GABRA3: variants seen among roughly 807,000 people sequenced by gnomAD.
The protein encoded by GABRA3 is gamma-aminobutyric acid type A receptor subunit alpha3, also known as gamma-aminobutyric acid receptor subunit alpha-3.
A neutral mutation model predicts 30.1 loss-of-function variants in GABRA3; 10 were observed. The ratio of observed to expected loss-of-function variants is 0.33; its 90% CI spans 0.20 to 0.56. The LOEUF is 0.56. GABRA3 is among the 20% of genes least tolerant of loss of function. GABRA3 has a pLI of 0.89. For missense variants in GABRA3, 233 were observed against 392.0 expected (o/e 0.59, Z 3.42); for synonymous variants, 151 against 146.8 (o/e 1.03, Z -0.21).
Position 152,383,836 on chromosome X carries a change from G to C in GABRA3, c.-26-19240C>G, listed in dbSNP as rs1006848288. 1.8e-5 allele frequency among the ~76,000 whole-genome samples: 2 copies of C among 110,019 alleles called. 1 individual carries two copies. The highest frequency in any genetic ancestry group is 2.0e-4 in the Admixed American group (2 of 10,207). Reference sequence around the variant, plus strand: ...ACCCTTGCCACTTCTTTTCAGCTTAGTAAAAGAATTTCTAGCCAGAGCAAT... The same window carrying C: ...ACCCTTGCCACTTCTTTTCAGCTTACTAAAAGAATTTCTAGCCAGAGCAAT... On this transcript the variant is annotated intron_variant, in intron 1 of 9. Coordinates refer to ENST00000370314, the MANE Select transcript of GABRA3 (RefSeq NM_000808.4).
intron 5 of GABRA3, among the ~76,000 whole-genome samples, chrX:152,255,524 G>A (rs1195330309): frequency 1.8e-5 from 2 of 111,812 alleles, no homozygotes; most frequent in Non-Finnish European, 3.8e-5. Flanking sequence ...AGGTATGCAT[G>A]CATATACAAA....
chrX:152,420,012 A>T (rs190033724), intron 1 of GABRA3, among the ~76,000 whole-genome samples: 1 of 112,174 alleles, frequency 8.9e-6, no homozygotes, highest in Non-Finnish European at 1.9e-5. Flanking sequence ...TAACAGAATA[A>T]AGGAGAAAAA....
chrX:152,288,780 A>T (rs11094568), intron 3 of GABRA3, among the ~76,000 whole-genome samples: 19,369 of 111,368 alleles, frequency 0.17, 1,318 homozygotes, highest in African/African-American at 0.25. Flanking sequence ...ACAAATATGA[A>T]ATTTTAATTA....
intron 1 of GABRA3, among the ~76,000 whole-genome samples, chrX:152,395,045 G>A (rs1174849225): frequency 9.0e-6 from 1 of 110,729 alleles, no homozygotes; most frequent in Non-Finnish European, 1.9e-5. Flanking sequence ...GGGTAGATAT[G>A]GTATGTAATC....
chrX:152,235,298 A>C (rs1374160294), intron 5 of GABRA3, among the ~76,000 whole-genome samples: 1 of 111,561 alleles, frequency 9.0e-6, no homozygotes, highest in African/African-American at 3.3e-5. Context: ...ATTGATTTTT[A>C]TATGTGGATT....
At chrX:152,313,351 T>C (rs1388528026) in intron 3 of GABRA3, among the ~76,000 whole-genome samples, 1 of 111,523 alleles carries the variant, frequency 9.0e-6, no homozygotes, top group Non-Finnish European at 1.9e-5. Context: ...TGGTGAGTTT[T>C]CTTTGCATCT....
chrX:152,350,163 C>T (rs1315036790), intron 2 of GABRA3, among the ~76,000 whole-genome samples: 5 of 105,716 alleles, frequency 4.7e-5, no homozygotes, highest in Admixed American at 2.0e-4. Flanking sequence ...CACTCAAAAC[C>T]GCTCAATTAC....
At chrX:152,368,531 A>G (rs1001356446) in intron 1 of GABRA3, among the ~76,000 whole-genome samples, 18 of 110,352 alleles carry the variant, frequency 1.6e-4, no homozygotes, top group African/African-American at 5.6e-4. Flanking sequence ...TTCTTTATCC[A>G]TTAATGCATT....
chrX:152,389,409 G>A (rs906068592), intron 1 of GABRA3: 1 of 111,477 alleles, frequency 9.0e-6, no homozygotes, highest in Non-Finnish European at 1.9e-5. Flanking sequence ...TTTTAAAAAT[G>A]GCTTTGGTCC....
chrX:152,440,172 T>A (rs1271894341), intron 1 of GABRA3, among the ~76,000 whole-genome samples: 4 of 111,566 alleles, frequency 3.6e-5, no homozygotes, highest in Non-Finnish European at 1.9e-5. Context: ...TAAACAAATC[T>A]ACAAGAAAAA....
rs965623503 is a variant in GABRA3 at position 152,319,398 on chromosome X, A to T, written c.262+26183T>A. On this transcript the variant is annotated intron_variant, in intron 3 of 9. Transcript: ENST00000370314. ...AATAAGCACGGAGACCAATGGGACA[A>T]AATAGAGAACCCAGAAATAAACTTA... Among the ~76,000 whole-genome samples, 6 of 111,891 alleles carry T rather than the reference A, an allele frequency of 5.4e-5. No homozygotes were observed. The Admixed American group carries it at 5.7e-4, about 11-fold the overall frequency.
intron 9 of GABRA3, among the ~76,000 whole-genome samples, chrX:152,182,586 T>C (rs1352457961): frequency 1.3e-5 from 1 of 77,340 alleles, no homozygotes; most frequent in Non-Finnish European, 2.4e-5. Context: ...ATATATAGTG[T>C]ATATACACAC....
At chrX:152,179,204 TG>T (rs2124333075) in intron 9 of GABRA3, among the ~76,000 whole-genome samples, 1 of 111,975 alleles carries the variant, frequency 8.9e-6, no homozygotes, top group East Asian at 2.8e-4. Flanking sequence ...GTATTTATCA[TG>T]TACAAAATGA....
chrX:152,200,620 T>C (rs945661477), intron 7 of GABRA3, among the ~76,000 whole-genome samples: 2 of 111,343 alleles, frequency 1.8e-5, no homozygotes, highest in Non-Finnish European at 3.8e-5. Flanking sequence ...TTGTTTTTCA[T>C]GAGAGTTGGA....
intron 1 of GABRA3, among the ~76,000 whole-genome samples, chrX:152,398,346 T>G (rs1353441507): frequency 2.7e-5 from 3 of 109,133 alleles, no homozygotes; most frequent in African/African-American, 1.0e-4. Context: ...CACCAATCTA[T>G]TCCTCCAGAT....
intron 6 of GABRA3, among the ~76,000 whole-genome samples, chrX:152,220,809 A>G (rs1937818775): frequency 9.0e-6 from 1 of 110,663 alleles, no homozygotes; most frequent in African/African-American, 3.3e-5. Flanking sequence ...GACTAATGCA[A>G]TCAGTCACTG....
At chrX:152,350,522 G>A (rs1940462467) in intron 2 of GABRA3, among the ~76,000 whole-genome samples, 1 of 111,176 alleles carries the variant, frequency 9.0e-6, no homozygotes, top group Admixed American at 9.5e-5. Context: ...CCAGGAGCTG[G>A]TTTTTTGAAA....
chrX:152,401,266 G>GTATATATATA (rs747896105), intron 1 of GABRA3, among the ~76,000 whole-genome samples: 90 of 97,296 alleles, frequency 9.3e-4, no homozygotes, highest in African/African-American at 3.5e-3. Context: ...TTTAATGTGT[G>GTATATATATA]TATATATATA....
chrX:152,253,212 C>A (rs1329162405), intron 5 of GABRA3, among the ~76,000 whole-genome samples: 1 of 111,610 alleles, frequency 9.0e-6, no homozygotes, highest in Non-Finnish European at 1.9e-5. Context: ...ATTCTTCTTA[C>A]TCTATACTCT....
Sources: gnomAD v4.1 joint callset for allele counts (sites outside exome capture counted in the v4.1 genomes callset) on GRCh38, gnomAD v4.1.1 for gene constraint, MANE v1.5 for transcripts, NCBI Gene and HGNC (gene_info 2026-07-23, HGNC 2026-07-21) for gene names.